COL4A2: variants seen among roughly 807,000 people sequenced by gnomAD.
The protein encoded by COL4A2 is collagen alpha-2(IV) chain.
COL4A2 carries 99 observed loss-of-function variants against 200.2 expected under a neutral mutation model. The observed-to-expected ratio is 0.49, with a 90% confidence interval of 0.42 to 0.58. The LOEUF (loss-of-function observed/expected upper bound fraction) is 0.58. Among genes scored for constraint, COL4A2 ranks in the 20% least tolerant of loss-of-function variants. COL4A2 has a pLI of 0.00. For synonymous variants in COL4A2, 897 were observed against 900.6 expected, an observed-to-expected ratio of 1.00 and a Z score of 0.07; for missense variants, 1,950 against 2,314.1, an observed-to-expected ratio of 0.84 and a Z score of 3.23.
At position 110,449,718 on chromosome 13, in the gene COL4A2, A is replaced by G. The variant is rs1459840322; in HGVS notation, c.1118A>G (p.Glu373Gly). Residue 373 changes from glutamate (E) to glycine (G), a missense_variant, in exon 19 of 48, where the codon GAG (glutamate) becomes GGG (glycine). By Grantham distance (98) the Glu-to-Gly change is moderately conservative. Coordinates refer to ENST00000360467, the MANE Select transcript of COL4A2 (RefSeq NM_001846.4). Reference sequence around the variant, plus strand: ...CCGGGATTCCCAGGGGCCCAAGGGGAGCCAGGAAGCCAGGGTGAGCCAGGA... The same window carrying G: ...CCGGGATTCCCAGGGGCCCAAGGGGGGCCAGGAAGCCAGGGTGAGCCAGGA... ...GDPGFPGAQG[E>G]PGSQGEPGDP... is the part of the protein sequence containing the mutation. 1.3e-6 allele frequency: 2 copies of G among 1,549,460 alleles called. No homozygotes were observed. The highest frequency in any genetic ancestry group is 2.0e-4 in the Middle Eastern group (1 of 5,126).
chr13:110,493,366 A>G lies in COL4A2; in HGVS notation c.3634+84A>G, dbSNP rs572275386. On this transcript the variant is annotated intron_variant, in intron 39 of 47. Coordinates refer to ENST00000360467, the MANE Select transcript of COL4A2 (RefSeq NM_001846.4). ...GTGCTGAGTCTGCCCTCCAGACTTC[A>G]GGGAATGGAGGGTCTCAGAGAGCAG... 12 of 1,394,598 alleles carry G rather than the reference A, an allele frequency of 8.6e-6. No homozygotes were observed. In the East Asian group the frequency reaches 2.8e-4, roughly 32 times the overall value. 86.4% of individuals were successfully genotyped at this position (1,394,598 alleles called of 1,614,324 possible). A position where few individuals can be genotyped will look rare whatever the true frequency, so the allele number is the denominator to read the frequency against.
At chr13:110,416,027 T>C (rs1325705841) in intron 4 of COL4A2, among the ~76,000 whole-genome samples, 1 of 152,258 alleles carries the variant, frequency 6.6e-6, no homozygotes, top group Non-Finnish European at 1.5e-5. Context: ...GTCGTAAGTA[T>C]AGACAATTAG....
At chr13:110,510,261 C>T (rs894929086) in intron 47 of COL4A2, among the ~76,000 whole-genome samples, 7 of 152,250 alleles carry the variant, frequency 4.6e-5, no homozygotes, top group African/African-American at 1.7e-4. Flanking sequence ...CAAGCGAGCG[C>T]CACGTGGGAG....
intron 4 of COL4A2, 76 bp downstream of exon 4, chr13:110,357,628 T>C: frequency 4.5e-6 from 7 of 1,539,486 alleles, no homozygotes; most frequent in Non-Finnish European, 6.1e-6. Flanking sequence ...GGGTACCTTC[T>C]GGGACACGTG....
intron 31 of COL4A2, among the ~76,000 whole-genome samples, chr13:110,480,743 T>C (rs555115132): frequency 5.4e-4 from 82 of 152,360 alleles, no homozygotes; most frequent in Non-Finnish European, 9.1e-4. Flanking sequence ...AGAGGTTATT[T>C]GGTGAATTTG....
At chr13:110,335,995 C>T (rs1164844848) in intron 3 of COL4A2, among the ~76,000 whole-genome samples, 2 of 152,230 alleles carry the variant, frequency 1.3e-5, no homozygotes, top group Non-Finnish European at 2.9e-5. Flanking sequence ...CTCATCCAGT[C>T]TCCTGTGGAT....
chr13:110,456,089 T>C (rs7333991), intron 20 of COL4A2, among the ~76,000 whole-genome samples: 33,773 of 152,222 alleles, frequency 0.22, 3,941 homozygotes, highest in Admixed American at 0.33. Context: ...TCCAGTGCGA[T>C]GGCGCGCTCT....
chr13:110,438,011 G>C lies in COL4A2; in HGVS notation c.835G>C (p.Gly279Arg). 6.2e-7 allele frequency: 1 copy of C among 1,613,274 alleles called. No individual in the cohort carries two copies. The change falls in exon 14 of 48, where the codon GGC becomes CGC. Residue 279 changes from glycine (G) to arginine (R), a missense_variant. Transcript: ENST00000360467. ...FHPDQYKGEK[G>R]SEGEPGIRGI... Reference sequence around the variant, plus strand: ...TTCATATTCTTCACAGGGTGAAAAAGGCAGTGAGGGGGAACCAGGAATAAG... The same window carrying C: ...TTCATATTCTTCACAGGGTGAAAAACGCAGTGAGGGGGAACCAGGAATAAG...
chr13:110,456,566 A>C (rs1881740945), intron 20 of COL4A2: 1 of 358,914 alleles, frequency 2.8e-6, no homozygotes, highest in Non-Finnish European at 5.5e-6. Flanking sequence ...GCAGACTCTT[A>C]TATTTCTTTC....
At chr13:110,415,211 C>CT (rs1346494100) in intron 4 of COL4A2, among the ~76,000 whole-genome samples, 1 of 152,126 alleles carries the variant, frequency 6.6e-6, no homozygotes, top group African/African-American at 2.4e-5. Flanking sequence ...TTACACAACT[C>CT]TGTTATTTGT....
At chr13:110,406,385 C>T (rs562926287) in intron 4 of COL4A2, among the ~76,000 whole-genome samples, 6 of 152,288 alleles carry the variant, frequency 3.9e-5, no homozygotes, top group South Asian at 2.1e-4. Flanking sequence ...GGTTCACAGG[C>T]TGTCTGGTCT....
At chr13:110,347,494 C>G (rs1464883422) in intron 3 of COL4A2, among the ~76,000 whole-genome samples, 3 of 152,198 alleles carry the variant, frequency 2.0e-5, no homozygotes, top group Non-Finnish European at 2.9e-5. Flanking sequence ...TCCCAGTTGG[C>G]CCCTCACACC....
rs531541173 is a variant in COL4A2, at chr13:110,418,431, A to C, written c.181-6303A>C. Among the ~76,000 whole-genome samples the C allele has an allele frequency of 2.6e-5, 4 of 152,344 alleles. No individual in the cohort carries two copies. The East Asian group carries it at 7.7e-4, about 29-fold the overall frequency. On this transcript the variant is annotated intron_variant, in intron 4 of 47. Transcript: ENST00000360467. Reference sequence around the variant, plus strand: ...GTCTTATCTAAGAAAGCTTTGCCTAATCCAAAGTCACAAAGATTTTCCCCT... The same window carrying C: ...GTCTTATCTAAGAAAGCTTTGCCTACTCCAAAGTCACAAAGATTTTCCCCT...
intron 19 of COL4A2, among the ~76,000 whole-genome samples, 174 bp from the exon 20 acceptor site, chr13:110,450,131 T>C (rs1209198802): frequency 6.6e-6 from 1 of 152,080 alleles, no homozygotes; most frequent in African/African-American, 2.4e-5. Flanking sequence ...AGGAGAGGGG[T>C]GTTTTTAATG....
chr13:110,413,194 T>C (rs565815368), intron 4 of COL4A2, among the ~76,000 whole-genome samples: 3 of 152,204 alleles, frequency 2.0e-5, no homozygotes, highest in African/African-American at 7.2e-5. Context: ...GAAGATTCCA[T>C]GTGGGAAGAA....
At chr13:110,450,886 A>G (rs1881518342) in intron 20 of COL4A2, among the ~76,000 whole-genome samples, 1 of 152,176 alleles carries the variant, frequency 6.6e-6, no homozygotes, top group African/African-American at 2.4e-5. Flanking sequence ...TTACTCCATC[A>G]CGTTTAAGCC....
At chr13:110,457,973 C>G in intron 21 of COL4A2, 1 of 396,886 alleles carries the variant, frequency 2.5e-6, no homozygotes, top group South Asian at 1.9e-5. Flanking sequence ...ACCTCAGGGA[C>G]TCTGCCCCTA....
intron 46 of COL4A2, 164 bp from the exon 47 acceptor site, chr13:110,507,769 AAG>A: frequency 1.5e-6 from 1 of 653,396 alleles, no homozygotes; most frequent in Non-Finnish European, 2.6e-6. Context: ...AAAAGAGAAA[AAG>A]AAAGAAATTG....
At chr13:110,479,774 C>A (rs534977616) in intron 30 of COL4A2, among the ~76,000 whole-genome samples, 1 of 152,180 alleles carries the variant, frequency 6.6e-6, no homozygotes, top group Non-Finnish European at 1.5e-5. Flanking sequence ...GATGGGAGCA[C>A]GGAGACCAGA....
Sources: gnomAD v4.1 joint callset for allele counts (sites outside exome capture counted in the v4.1 genomes callset) on GRCh38, gnomAD v4.1.1 for gene constraint, MANE v1.5 for transcripts, NCBI Gene and HGNC (gene_info 2026-07-23, HGNC 2026-07-21) for gene names.